The following KIAA1671 variants were observed in gnomAD, a reference collection of about 807,000 sequenced individuals.
KIAA1671 encodes uncharacterized protein KIAA1671.
Under a neutral mutation model 131.2 loss-of-function variants are expected in KIAA1671, and 52 were observed. The observed-to-expected ratio is 0.40, with a 90% CI of 0.32 to 0.50. The LOEUF (loss-of-function observed/expected upper bound fraction) is 0.50, where lower values mean the gene tolerates loss of function less well. Ranked by LOEUF, KIAA1671 falls within the 20% of genes least tolerant of loss-of-function variation. KIAA1671 has a pLI of 0.73. For synonymous variants in KIAA1671, 1,003 were observed against 961.6 expected, an observed-to-expected ratio of 1.04 and a Z score of -0.80; for missense variants, 2,360 against 2,364.2, an observed-to-expected ratio of 1.00 and a Z score of 0.04.
At chr22:24,997,784 C>T (rs1602055302) in intron 1 of KIAA1671, among the ~76,000 whole-genome samples, 1 of 152,100 alleles carries the variant, frequency 6.6e-6, no homozygotes, top group African/African-American at 2.4e-5. Flanking sequence ...CACACGTTTA[C>T]GTATGTATAC....
intron 6 of KIAA1671, among the ~76,000 whole-genome samples, chr22:25,099,668 C>G (rs1198412365): frequency 6.7e-6 from 1 of 150,124 alleles, no homozygotes; most frequent in Non-Finnish European, 1.5e-5. Context: ...GTGTGCGCCA[C>G]CATACCTGGC....
At position 25,078,972 on chromosome 22, in the gene KIAA1671, C is replaced by T. The variant is rs539484180; in HGVS notation, c.4530+29608C>T. The stretch of plus-strand genomic sequence containing the variant: ...ATGGGGCCTCGAGCAAATCTCTTAG[C>T]CCTCCCAGAAACTCAGTTTTGCCAT... On this transcript the variant is annotated intron_variant, in intron 6 of 12. Coordinates refer to ENST00000358431, the MANE Select transcript of KIAA1671 (RefSeq NM_001145206.2). Among the ~76,000 whole-genome samples the T allele has an allele frequency of 2.6e-5, 4 of 152,252 alleles. No homozygotes were observed. The East Asian group carries it at 7.7e-4, about 29-fold the overall frequency.
At chr22:25,057,724 AGCTT>A (rs1927932080) in intron 6 of KIAA1671, 1 of 150,480 alleles carries the variant, frequency 6.6e-6, no homozygotes, top group Admixed American at 6.6e-5. Context: ...GGCTCACAGC[AGCTT>A]GGACCTGGGC....
chr22:25,074,615 G>A (rs2145855110), intron 6 of KIAA1671, among the ~76,000 whole-genome samples: 1 of 126,496 alleles, frequency 7.9e-6, no homozygotes, highest in Admixed American at 7.4e-5. Context: ...ATGGAAACAT[G>A]TGTCCATGAA....
chr22:25,050,455 A>G (rs1927475845), intron 6 of KIAA1671: 1 of 152,262 alleles, frequency 6.6e-6, no homozygotes, highest in African/African-American at 2.4e-5. Flanking sequence ...GCTCAGCTCC[A>G]CAAGCTTCAG....
At chr22:25,171,251 T>C (rs1933838161) in intron 7 of KIAA1671, among the ~76,000 whole-genome samples, 1 of 150,846 alleles carries the variant, frequency 6.6e-6, no homozygotes, top group Admixed American at 6.6e-5. Flanking sequence ...ATACAAAAAA[T>C]TAGCTGGGTG....
At chr22:25,023,403 T>C (rs1925778272) in intron 1 of KIAA1671, 1 of 152,126 alleles carries the variant, frequency 6.6e-6, no homozygotes, top group Non-Finnish European at 1.5e-5. Context: ...TAAAAAATAG[T>C]GGACATGTCC....
chr22:25,022,530 G>C (rs1296042343), intron 1 of KIAA1671: 1 of 152,196 alleles, frequency 6.6e-6, no homozygotes, highest in Admixed American at 6.6e-5. Flanking sequence ...TTCAGCACCT[G>C]TTGCTCTTGG....
chr22:25,063,116 A>G (rs1318188582), intron 6 of KIAA1671: 1 of 152,100 alleles, frequency 6.6e-6, no homozygotes, highest in African/African-American at 2.4e-5. Context: ...GAAGGAATTC[A>G]AAGCAAGTTC....
intron 5 of KIAA1671, among the ~76,000 whole-genome samples, chr22:25,045,881 G>A (rs2145814846): frequency 6.6e-6 from 1 of 152,224 alleles, no homozygotes; most frequent in Non-Finnish European, 1.5e-5. Context: ...GTGAGCCACT[G>A]CACCCGGCCT....
intron 6 of KIAA1671, chr22:25,059,107 G>C (rs956044488): frequency 6.6e-6 from 1 of 152,230 alleles, no homozygotes; most frequent in Non-Finnish European, 1.5e-5. Context: ...TTGCAGGACT[G>C]TAGGGCTCTT....
intron 1 of KIAA1671, among the ~76,000 whole-genome samples, chr22:24,965,183 G>A (rs1234976350): frequency 6.6e-6 from 1 of 151,826 alleles, no homozygotes; most frequent in Non-Finnish European, 1.5e-5. Flanking sequence ...GCAAGGCTGA[G>A]ACAGACAGAT....
At chr22:25,010,205 G>C (rs978313166) in intron 1 of KIAA1671, 1 of 151,832 alleles carries the variant, frequency 6.6e-6, no homozygotes, top group Non-Finnish European at 1.5e-5. Flanking sequence ...TTTTGAGACA[G>C]AGTCTTGCAC....
chr22:25,041,678 C>CA (rs1179254767), intron 5 of KIAA1671, among the ~76,000 whole-genome samples, 153 bp downstream of exon 5: 5 of 152,260 alleles, frequency 3.3e-5, no homozygotes, highest in African/African-American at 1.2e-4. Flanking sequence ...TGGATTGTGG[C>CA]AAATGGAGAG....
rs554042551 is a variant in KIAA1671 at position 25,130,043 on chromosome 22, C to A, written c.4531-40777C>A. On this transcript the variant is annotated intron_variant, in intron 6 of 12. Transcript: ENST00000358431. ...TTCGCTTGAGCCCAGGAGTTTGAGA[C>A]CAGCCTGGGCAACGGAGTGAGATGT... is the stretch of plus-strand genomic sequence containing the variant. 4.6e-5 allele frequency among the ~76,000 whole-genome samples: 7 copies of A among 152,236 alleles called. No individual in the cohort carries two copies. The South Asian group carries it at 1.5e-3, about 32-fold the overall frequency.
In KIAA1671 at chr22:25,136,817, GT is replaced by G. The variant is rs974891304; in HGVS notation, c.4531-33996del. Among the ~76,000 whole-genome samples the G allele has an allele frequency of 1.6e-4, 25 of 152,276 alleles. No homozygotes were observed. The East Asian group carries it at 2.7e-3, about 16-fold the overall frequency. On this transcript the variant is annotated intron_variant, in intron 6 of 12. Transcript: ENST00000358431. ...CAAGGCAGAACTTAGACCAATAATGGTTTTTTTCTTTAAAAACCAAAGAGAA... is the reference window on the plus strand; with the variant it reads ...CAAGGCAGAACTTAGACCAATAATGGTTTTTTCTTTAAAAACCAAAGAGAA...
rs1036930736 is a variant in KIAA1671 at position 25,112,373 on chromosome 22, C to T, written c.4531-58447C>T. Reference sequence around the variant, plus strand: ...CTTCCGACACCTGGCTTCCCGGAGTCGGGAATCCTTCCGCCGCTTCTCTGC... The same window carrying T: ...CTTCCGACACCTGGCTTCCCGGAGTTGGGAATCCTTCCGCCGCTTCTCTGC... On this transcript the variant is annotated intron_variant, in intron 6 of 12. Coordinates refer to ENST00000358431, the MANE Select transcript of KIAA1671 (RefSeq NM_001145206.2). 1.3e-5 allele frequency: 5 copies of T among 398,990 alleles called. No homozygotes were observed. In the Admixed American group the frequency reaches 2.2e-4, roughly 18 times the overall value. The allele number at this position is 398,990 out of a possible 1,614,324, so 24.7% of individuals were successfully genotyped here. A position where few individuals can be genotyped will look rare whatever the true frequency, so the allele number is the denominator to read the frequency against.
At chr22:24,955,080 C>T (rs541559279) in intron 1 of KIAA1671, among the ~76,000 whole-genome samples, 1 of 152,300 alleles carries the variant, frequency 6.6e-6, no homozygotes, top group African/African-American at 2.4e-5. Flanking sequence ...TGCGCCTGGC[C>T]GGGGCTGTTT....
intron 6 of KIAA1671, among the ~76,000 whole-genome samples, chr22:25,119,951 G>A (rs1931854619): frequency 6.6e-6 from 1 of 152,234 alleles, no homozygotes. Flanking sequence ...TCAGATTTTA[G>A]CATTGGAGGG....
Sources: allele counts gnomAD v4.1 joint callset (sites outside exome capture counted in the v4.1 genomes callset), GRCh38; gene constraint gnomAD v4.1.1; transcripts MANE v1.5; gene names NCBI Gene and HGNC (gene_info 2026-07-23, HGNC 2026-07-21).